The following CHCHD6 variants were observed in gnomAD, a reference collection of about 807,000 sequenced individuals.
CHCHD6 encodes the protein coiled-coil-helix-coiled-coil-helix domain containing 6, also known as MICOS complex subunit MIC25.
A neutral mutation model predicts 32.3 loss-of-function variants in CHCHD6; 28 were observed. The ratio of observed to expected loss-of-function variants is 0.87; its 90% confidence interval spans 0.64 to 1.19. The LOEUF (loss-of-function observed/expected upper bound fraction) is 1.19, where lower values mean the gene tolerates loss of function less well. Among genes scored for constraint, CHCHD6 ranks in the 50% most tolerant of loss-of-function variants. The pLI is 0.00. For missense variants in CHCHD6, 333 were observed against 307.0 expected, an observed-to-expected ratio of 1.08 and a Z score of -0.63; for synonymous variants, 122 against 117.5, an observed-to-expected ratio of 1.04 and a Z score of -0.25.
intron 1 of CHCHD6, among the ~76,000 whole-genome samples, chr3:126,713,494 G>C (rs906806185): frequency 1.5e-4 from 23 of 152,306 alleles, no homozygotes; most frequent in Middle Eastern, 3.4e-3. Flanking sequence ...GATCCTGCGG[G>C]ACCCTAAGCT....
Position 126,960,273 on chromosome 3 carries a change from C to T in CHCHD6, c.*72C>T, listed in dbSNP as rs1167924457. The T allele has an allele frequency of 2.6e-6, 4 of 1,530,888 alleles. No homozygotes were observed. The highest frequency in any genetic ancestry group is 3.5e-6 in the Non-Finnish European group (4 of 1,129,824). 94.8% of individuals were successfully genotyped at this position (1,530,888 alleles called of 1,614,324 possible). On this transcript the variant is annotated 3_prime_UTR_variant, in exon 8 of 8. Transcript: ENST00000290913. Reference sequence around the variant, plus strand: ...GAAGGGACCAATCATGGGACCACAGCCACTGTGCCCTGCCGTTTCCTGCTG... The same window carrying T: ...GAAGGGACCAATCATGGGACCACAGTCACTGTGCCCTGCCGTTTCCTGCTG...
At chr3:126,907,479 G>A (rs947943573) in intron 5 of CHCHD6, among the ~76,000 whole-genome samples, 2 of 152,130 alleles carry the variant, frequency 1.3e-5, no homozygotes, top group African/African-American at 4.8e-5. Context: ...AAAGACTTGT[G>A]TTCATTTTTC....
chr3:126,766,779 A>G (rs774347749), intron 4 of CHCHD6: 8 of 1,118,774 alleles, frequency 7.2e-6, no homozygotes, highest in Non-Finnish European at 1.1e-5. Context: ...CCCCCTGGAA[A>G]AACAGACCAC....
chr3:126,861,493 ACCCCTG>A (rs1053156486), intron 5 of CHCHD6, among the ~76,000 whole-genome samples: 1 of 150,166 alleles, frequency 6.7e-6, no homozygotes, highest in African/African-American at 2.4e-5. Context: ...TTCCATTCCC[ACCCCTG>A]CCCCTGCCAC....
intron 5 of CHCHD6, among the ~76,000 whole-genome samples, chr3:126,899,257 T>A (rs2077885900): frequency 6.6e-6 from 1 of 152,354 alleles, no homozygotes; most frequent in African/African-American, 2.4e-5. Flanking sequence ...CAGCATTAAC[T>A]CACAGAGTTT....
intron 4 of CHCHD6, among the ~76,000 whole-genome samples, chr3:126,836,235 A>G (rs1040515762): frequency 6.6e-6 from 1 of 152,006 alleles, no homozygotes; most frequent in Non-Finnish European, 1.5e-5. Context: ...CTCCATTCCC[A>G]GGTATTTGTT....
intron 6 of CHCHD6, among the ~76,000 whole-genome samples, chr3:126,945,184 G>A (rs1193148702): frequency 1.3e-5 from 2 of 152,194 alleles, no homozygotes; most frequent in African/African-American, 4.8e-5. Context: ...TTGTGAGGAG[G>A]ACTTTGGCTC....
chr3:126,857,573 C>T (rs1035430403), intron 5 of CHCHD6, among the ~76,000 whole-genome samples: 1 of 152,190 alleles, frequency 6.6e-6, no homozygotes, highest in African/African-American at 2.4e-5. Context: ...GTCCCTATCC[C>T]AGGCACACTG....
At chr3:126,760,515 C>T (rs1445638944) in intron 4 of CHCHD6, among the ~76,000 whole-genome samples, 1 of 152,170 alleles carries the variant, frequency 6.6e-6, no homozygotes, top group Non-Finnish European at 1.5e-5. Flanking sequence ...TATCTTTGGT[C>T]CTGTCAACTA....
intron 4 of CHCHD6, among the ~76,000 whole-genome samples, chr3:126,754,109 G>A (rs1306208918): frequency 2.0e-5 from 3 of 152,204 alleles, no homozygotes; most frequent in Non-Finnish European, 2.9e-5. Context: ...AGTTAGAGCT[G>A]CAGTTCTTTG....
intron 5 of CHCHD6, among the ~76,000 whole-genome samples, chr3:126,886,657 C>A (rs1332172353): frequency 2.0e-5 from 3 of 152,188 alleles, no homozygotes; most frequent in Admixed American, 2.0e-4. Context: ...GCACAGAGAG[C>A]AAATAGACTT....
At chr3:126,755,181 C>T (rs1936903545) in intron 4 of CHCHD6, among the ~76,000 whole-genome samples, 2 of 152,162 alleles carry the variant, frequency 1.3e-5, no homozygotes, top group South Asian at 4.1e-4. Flanking sequence ...GTTGAGAACT[C>T]TCTTCAGGAC....
intron 5 of CHCHD6, among the ~76,000 whole-genome samples, chr3:126,889,577 A>G (rs1576559468): frequency 6.6e-6 from 1 of 152,124 alleles, no homozygotes. Context: ...TGTGCCCATC[A>G]CACTTGCCTC....
chr3:126,891,600 C>T (rs2077760482), intron 5 of CHCHD6, among the ~76,000 whole-genome samples: 1 of 152,096 alleles, frequency 6.6e-6, no homozygotes, highest in African/African-American at 2.4e-5. Flanking sequence ...GGAGGGTAAG[C>T]CAGTAGCGTG....
chr3:126,881,990 G>T (rs2077616955), intron 5 of CHCHD6, among the ~76,000 whole-genome samples: 1 of 152,138 alleles, frequency 6.6e-6, no homozygotes, highest in South Asian at 2.1e-4. Context: ...TTCACGTCCT[G>T]GATTCCAAAG....
intron 1 of CHCHD6, among the ~76,000 whole-genome samples, chr3:126,719,739 G>A (rs1183738112): frequency 6.6e-6 from 1 of 152,188 alleles, no homozygotes; most frequent in Non-Finnish European, 1.5e-5. Context: ...CAGTGCTGTT[G>A]CTCACTGCTT....
At chr3:126,763,479 A>C (rs1319324192) in intron 4 of CHCHD6, among the ~76,000 whole-genome samples, 1 of 152,012 alleles carries the variant, frequency 6.6e-6, no homozygotes, top group Non-Finnish European at 1.5e-5. Context: ...GGTTGCCACC[A>C]TGCCCAACTA....
At chr3:126,759,865 C>T (rs1211179629) in intron 4 of CHCHD6, among the ~76,000 whole-genome samples, 1 of 152,108 alleles carries the variant, frequency 6.6e-6, no homozygotes, top group African/African-American at 2.4e-5. Context: ...GTTTAATTGG[C>T]TTAGGTTTCT....
At chr3:126,848,083 A>T (rs1026110232) in intron 4 of CHCHD6, among the ~76,000 whole-genome samples, 1 of 152,160 alleles carries the variant, frequency 6.6e-6, no homozygotes, top group Admixed American at 6.6e-5. Context: ...GGGACCAAAA[A>T]ATCCTCCTGC....
Sources: gnomAD v4.1 joint callset for allele counts (sites outside exome capture counted in the v4.1 genomes callset) on GRCh38, gnomAD v4.1.1 for gene constraint, MANE v1.5 for transcripts, NCBI Gene and HGNC (gene_info 2026-07-23, HGNC 2026-07-21) for gene names.